The following MAST4 variants were observed in gnomAD, a reference collection of about 807,000 sequenced individuals.
MAST4 encodes the protein microtubule-associated serine/threonine-protein kinase 4.
MAST4 carries 89 observed loss-of-function variants against 162.7 expected under a neutral mutation model. That is an observed-to-expected ratio of 0.55 (90% CI 0.46 to 0.65). The LOEUF is 0.65. Ranked by LOEUF, MAST4 falls within the 30% of genes least tolerant of loss-of-function variation. MAST4 has a pLI of 0.00. For synonymous variants in MAST4, 1,479 were observed against 1,361.1 expected (o/e 1.09, Z -1.91); for missense variants, 3,153 against 3,374.0 (o/e 0.93, Z 1.62).
chr5:67,147,577 T>A (rs1444568206), intron 23 of MAST4, among the ~76,000 whole-genome samples: 2 of 152,226 alleles, frequency 1.3e-5, no homozygotes, highest in African/African-American at 4.8e-5. Flanking sequence ...AAGTCTTAGA[T>A]GTAGGGGTCA....
chr5:67,028,315 TGAG>T (rs1472179990), intron 4 of MAST4, among the ~76,000 whole-genome samples: 3 of 152,016 alleles, frequency 2.0e-5, no homozygotes, highest in Non-Finnish European at 2.9e-5. Flanking sequence ...GAGTGAGAGT[TGAG>T]GAGCAATTCC....
chr5:66,670,896 C>T (rs772682708), intron 1 of MAST4, among the ~76,000 whole-genome samples: 7 of 152,108 alleles, frequency 4.6e-5, no homozygotes, highest in East Asian at 1.9e-4. Context: ...AATTATTAAT[C>T]GCGCCCTTTC....
intron 3 of MAST4, among the ~76,000 whole-genome samples, chr5:66,871,585 A>G (rs1760931977): frequency 6.6e-6 from 1 of 152,324 alleles, no homozygotes; most frequent in African/African-American, 2.4e-5. Context: ...AGTTCTGTGT[A>G]ACAGACTTTA....
intron 4 of MAST4, among the ~76,000 whole-genome samples, chr5:66,982,013 T>C (rs1748913790): frequency 6.6e-6 from 1 of 152,208 alleles, no homozygotes; most frequent in Non-Finnish European, 1.5e-5. Context: ...GAGGCCTCAA[T>C]TTTGTGGGAA....
At chr5:67,131,256 T>G (rs1036131506) in intron 15 of MAST4, among the ~76,000 whole-genome samples, 1 of 152,210 alleles carries the variant, frequency 6.6e-6, no homozygotes, top group African/African-American at 2.4e-5. Flanking sequence ...ACCTTTGTTG[T>G]GGTTATCTTA....
At chr5:66,959,654 G>T (rs1745759471) in intron 4 of MAST4, among the ~76,000 whole-genome samples, 2 of 152,138 alleles carry the variant, frequency 1.3e-5, no homozygotes, top group Admixed American at 6.6e-5. Flanking sequence ...CTAAAGAAAG[G>T]CCTCTGTCTG....
intron 3 of MAST4, among the ~76,000 whole-genome samples, chr5:66,839,959 T>C (rs1023353483): frequency 1.3e-5 from 2 of 152,108 alleles, no homozygotes; most frequent in South Asian, 2.1e-4. Context: ...TTGCATCATA[T>C]TGACAATTTT....
At chr5:66,670,283 G>A (rs181717755) in intron 1 of MAST4, among the ~76,000 whole-genome samples, 19 of 152,096 alleles carry the variant, frequency 1.2e-4, no homozygotes, top group Admixed American at 6.5e-4. Context: ...ACTCTTCTCC[G>A]GTGGTACAAA....
At chr5:67,152,900 C>A in intron 25 of MAST4, 34 bp downstream of exon 25, 2 of 1,555,990 alleles carry the variant, frequency 1.3e-6, no homozygotes, top group Non-Finnish European at 1.8e-6. Context: ...TGGGATTTTT[C>A]ATTTCCAGCC....
At chr5:66,954,556 T>C (rs2216713) in intron 4 of MAST4, among the ~76,000 whole-genome samples, 10,291 of 152,178 alleles carry the variant, frequency 0.068, 1,083 homozygotes, top group African/African-American at 0.23. Flanking sequence ...TACACTCTGA[T>C]AGGGGAAGAC....
At chr5:67,143,559 CATG>C (rs1233583414) in intron 21 of MAST4, among the ~76,000 whole-genome samples, 1 of 152,162 alleles carries the variant, frequency 6.6e-6, no homozygotes, top group Non-Finnish European at 1.5e-5. Flanking sequence ...TGGCATTTTG[CATG>C]ATTATTGTTT....
At chr5:66,604,789 C>A (rs1388865538) in intron 1 of MAST4, among the ~76,000 whole-genome samples, 1 of 152,180 alleles carries the variant, frequency 6.6e-6, no homozygotes, top group Non-Finnish European at 1.5e-5. Context: ...TCAGGCATTT[C>A]TCCATACAGA....
intron 1 of MAST4, among the ~76,000 whole-genome samples, chr5:66,737,088 T>TA (rs1251222550): frequency 2.2e-4 from 34 of 152,328 alleles, no homozygotes; most frequent in Admixed American, 3.9e-4. Flanking sequence ...TTGAATAGCT[T>TA]AAAAAAAGTT....
chr5:66,969,079 T>C (rs1266325522), intron 4 of MAST4, among the ~76,000 whole-genome samples: 1 of 152,230 alleles, frequency 6.6e-6, no homozygotes, highest in African/African-American at 2.4e-5. Context: ...TGTCATTAAA[T>C]GTGCTTTGAA....
chr5:67,031,572 G>T (rs1391069717), intron 4 of MAST4, among the ~76,000 whole-genome samples: 1 of 152,120 alleles, frequency 6.6e-6, no homozygotes, highest in Non-Finnish European at 1.5e-5. Flanking sequence ...GAGGTTATTT[G>T]CATTCAAAGT....
At chr5:67,024,784 T>C (rs1754434271) in intron 4 of MAST4, among the ~76,000 whole-genome samples, 1 of 151,964 alleles carries the variant, frequency 6.6e-6, no homozygotes, top group African/African-American at 2.4e-5. Context: ...CCTCATTCAG[T>C]GCCTAGAACA....
chr5:67,131,976 T>TC, intron 16 of MAST4, 25 bp downstream of exon 16: 5 of 1,602,672 alleles, frequency 3.1e-6, no homozygotes. Context: ...GAAATATATG[T>TC]CTTCTTTTGC....
At chr5:66,913,165 G>A (rs542021447) in intron 4 of MAST4, among the ~76,000 whole-genome samples, 2 of 152,190 alleles carry the variant, frequency 1.3e-5, no homozygotes, top group African/African-American at 4.8e-5. Context: ...AATTTAAAGT[G>A]CACAATTTCA....
chr5:66,654,322 C>T (rs79039120), intron 1 of MAST4, among the ~76,000 whole-genome samples: 3,738 of 152,252 alleles, frequency 0.025, 164 homozygotes, highest in African/African-American at 0.086. Flanking sequence ...TCACCCCAGT[C>T]GTTTTTATGA....
Sources: gnomAD v4.1 joint callset for allele counts (sites outside exome capture counted in the v4.1 genomes callset) on GRCh38, gnomAD v4.1.1 for gene constraint, MANE v1.5 for transcripts, NCBI Gene and HGNC (gene_info 2026-07-23, HGNC 2026-07-21) for gene names.